The following ATP2C1 variants were observed in gnomAD, a reference collection of about 807,000 sequenced individuals.
The protein encoded by ATP2C1 is calcium-transporting ATPase type 2C member 1.
A neutral mutation model predicts 120.5 loss-of-function variants in ATP2C1; 31 were observed. That is an observed-to-expected ratio of 0.26 (90% CI 0.19 to 0.35). The LOEUF (loss-of-function observed/expected upper bound fraction) is 0.35. ATP2C1 is among the 10% of genes least tolerant of loss of function. ATP2C1 has a pLI of 1.00. For synonymous variants in ATP2C1, 351 were observed against 358.7 expected, an observed-to-expected ratio of 0.98 and a Z score of 0.24; for missense variants, 731 against 1,107.5, an observed-to-expected ratio of 0.66 and a Z score of 4.83.
chr3:131,003,071 A>T lies in ATP2C1; in HGVS notation c.*1721A>T. ...GTTTTGCTTTGCATTTTAGGTTCAGATTATGACTTGATTGAAATAAATGTG... is the reference window on the plus strand; with the variant it reads ...GTTTTGCTTTGCATTTTAGGTTCAGTTTATGACTTGATTGAAATAAATGTG... On this transcript the variant is annotated 3_prime_UTR_variant, in exon 28 of 28. Transcript: ENST00000510168. 1 of 985,652 alleles carries T rather than the reference A, an allele frequency of 1.0e-6. No homozygotes were observed. 61.1% of individuals were successfully genotyped at this position (985,652 alleles called of 1,614,324 possible).
At chr3:130,969,472 G>C in intron 17 of ATP2C1, 76 bp downstream of exon 17, 1 of 1,138,632 alleles carries the variant, frequency 8.8e-7, no homozygotes, top group Non-Finnish European at 1.3e-6. Flanking sequence ...TCCACCTTTG[G>C]GTTTAGTCAT....
At chr3:130,990,139 G>A (rs2062251972) in intron 20 of ATP2C1, among the ~76,000 whole-genome samples, 1 of 152,072 alleles carries the variant, frequency 6.6e-6, no homozygotes, top group Non-Finnish European at 1.5e-5. Flanking sequence ...CTTTATGGTA[G>A]TACTGAGATT....
chr3:130,998,307 T>A lies in ATP2C1; in HGVS notation c.2405T>A (p.Val802Glu). ...FVFWRELRDN[V>E]ITPRDTTMTF... ...GCCTCTTGACAGCTACGAGACAATG[T>A]GATTACACCTCGAGACACAACAATG... The change falls in exon 26 of 28, where the codon GTG becomes GAG. Residue 802 changes from valine to glutamate, a missense_variant. Around this residue, in one of 3 missense-constraint regions of ATP2C1, gnomAD observed 141 missense variants for 201.6 expected, o/e 0.70. Transcript: ENST00000510168. The A allele has an allele frequency of 6.2e-7, 1 of 1,610,916 alleles. No homozygotes were observed. The highest frequency in any genetic ancestry group is 8.5e-7 in the Non-Finnish European group (1 of 1,177,068).
At chr3:130,992,471 G>C (rs2062401756) in intron 20 of ATP2C1, among the ~76,000 whole-genome samples, 1 of 152,206 alleles carries the variant, frequency 6.6e-6, no homozygotes, top group Non-Finnish European at 1.5e-5. Flanking sequence ...CAGTGGAAGA[G>C]AGGCTAATGA....
rs150634641 is a variant in ATP2C1, at chr3:130,989,490, G to A, written c.1840-3461G>A. Among the ~76,000 whole-genome samples the A allele has an allele frequency of 3.5e-3, 520 of 148,970 alleles. 1 individual carries two copies. Among genetic ancestry groups the A allele is most frequent in the African/African-American group, 0.012 (491 of 40,412 alleles). ...TGAGGCAGGAGAATCGCTTGAACCC[G>A]GGAGGAGGAGGTTGTGGTGAGCCGA... On this transcript the variant is annotated intron_variant, in intron 20 of 27. Transcript: ENST00000510168.
chr3:130,915,103 C>T (rs199815087), intron 2 of ATP2C1, among the ~76,000 whole-genome samples: 17 of 146,448 alleles, frequency 1.2e-4, no homozygotes, highest in South Asian at 2.2e-4. Context: ...TTTTTTTTTT[C>T]CCCCCCTTGA....
chr3:130,879,913 G>T (rs1016843876), intron 1 of ATP2C1, among the ~76,000 whole-genome samples: 2 of 152,074 alleles, frequency 1.3e-5, no homozygotes, highest in African/African-American at 4.8e-5. Flanking sequence ...TGGGCCCCTG[G>T]GCAGCACATG....
chr3:130,948,906 G>A (rs1160841978), intron 8 of ATP2C1, among the ~76,000 whole-genome samples: 1 of 152,040 alleles, frequency 6.6e-6, no homozygotes, highest in Non-Finnish European at 1.5e-5. Flanking sequence ...TTGTTTTGGG[G>A]CATCATTAAC....
intron 14 of ATP2C1, among the ~76,000 whole-genome samples, 182 bp from the exon 15 acceptor site, chr3:130,966,963 A>G (rs2061073533): frequency 6.6e-6 from 1 of 152,202 alleles, no homozygotes; most frequent in African/African-American, 2.4e-5. Flanking sequence ...ATTAGAATCT[A>G]TATTTCTTTA....
At chr3:130,998,095 T>C (rs942510707) in intron 25 of ATP2C1, among the ~76,000 whole-genome samples, 199 bp from the exon 26 acceptor site, 11 of 152,134 alleles carry the variant, frequency 7.2e-5, no homozygotes, top group Non-Finnish European at 1.5e-4. Flanking sequence ...ATGAGAAGTT[T>C]TTTTTTTACT....
At position 130,955,067 on chromosome 3, in the gene ATP2C1, T is replaced by C. The variant is rs1324537683; in HGVS notation, c.743T>C (p.Met248Thr). 17 of 1,609,456 alleles carry C rather than the reference T, an allele frequency of 1.1e-5. No homozygotes were observed. Among genetic ancestry groups the C allele is most frequent in the Non-Finnish European group, 1.4e-5 (17 of 1,176,110 alleles). The part of the protein sequence containing the change: ...NSEFGEVFKM[M>T]QAEEAPKTPL... ...GAATTTGGGGAGGTTTTTAAAATGA[T>C]GCAAGCAGAAGAGGTGAGTACTTAA... Residue 248 changes from methionine to threonine, a missense_variant, in exon 10 of 28, where the codon ATG (methionine) becomes ACG (threonine). By Grantham distance (81) the Met-to-Thr change is moderately conservative. This residue lies in a region of ATP2C1 where 571 missense variants were observed against 845.9 expected (regional missense o/e 0.67). Transcript: ENST00000510168.
At chr3:131,003,225 A>T (rs111895965), downstream of ATP2C1, 62,181 of 896,872 alleles carry the variant, frequency 0.069, 2,352 homozygotes, top group Non-Finnish European at 0.077. Flanking sequence ...AAAATTATCC[A>T]TATGGATGCT....
At chr3:130,854,617 T>C (rs1369971788) in intron 1 of ATP2C1, among the ~76,000 whole-genome samples, 1 of 152,152 alleles carries the variant, frequency 6.6e-6, no homozygotes, top group African/African-American at 2.4e-5. Context: ...CTGGGCTGAC[T>C]ATAGTCTAGC....
At chr3:130,980,922 C>A (rs1342407195) in intron 20 of ATP2C1, among the ~76,000 whole-genome samples, 1 of 152,126 alleles carries the variant, frequency 6.6e-6, no homozygotes, top group Non-Finnish European at 1.5e-5. Flanking sequence ...CAGATTTCCT[C>A]TGAGAAAAGT....
intron 2 of ATP2C1, among the ~76,000 whole-genome samples, chr3:130,901,350 A>G (rs116621424): frequency 6.6e-6 from 1 of 152,128 alleles, no homozygotes; most frequent in Non-Finnish European, 1.5e-5. Context: ...ATATCTTGAT[A>G]TGTACCCCTA....
intron 1 of ATP2C1, among the ~76,000 whole-genome samples, chr3:130,882,811 AT>A (rs977142479): frequency 6.6e-6 from 1 of 151,546 alleles, no homozygotes; most frequent in Non-Finnish European, 1.5e-5. Flanking sequence ...CAGCCTGTAG[AT>A]TTTTTTTTGA....
chr3:130,915,932 T>G (rs2058668630), intron 2 of ATP2C1, among the ~76,000 whole-genome samples: 1 of 152,208 alleles, frequency 6.6e-6, no homozygotes, highest in African/African-American at 2.4e-5. Flanking sequence ...ATAAATGGGT[T>G]ATGTATCTTA....
At chr3:130,958,599 G>C (rs1190106584) in intron 11 of ATP2C1, among the ~76,000 whole-genome samples, 3 of 152,012 alleles carry the variant, frequency 2.0e-5, no homozygotes, top group Non-Finnish European at 2.9e-5. Context: ...AACCTCTCGT[G>C]AATCTGTTTG....
At chr3:130,918,851 G>C (rs1332591559) in intron 2 of ATP2C1, 1 of 335,850 alleles carries the variant, frequency 3.0e-6, no homozygotes, top group Non-Finnish European at 5.8e-6. Context: ...AATTAGCCAG[G>C]CATGGTGGCG....
Sources: gnomAD v4.1 joint callset for allele counts (sites outside exome capture counted in the v4.1 genomes callset) on GRCh38, gnomAD v4.1.1 for gene constraint, gnomAD v4.1.1 regional missense constraint, MANE v1.5 for transcripts, NCBI Gene and HGNC (gene_info 2026-07-23, HGNC 2026-07-21) for gene names.